CFAP299: variants seen among roughly 807,000 people sequenced by gnomAD.
CFAP299 encodes the protein cilia- and flagella-associated protein 299.
CFAP299 carries 21 observed loss-of-function variants against 27.0 expected under a neutral mutation model. That is an observed-to-expected ratio of 0.78 (90% CI 0.55 to 1.12). The LOEUF is 1.12. Ranked by LOEUF, CFAP299 falls within the 50% of genes most tolerant of loss-of-function variation. The pLI, the probability that CFAP299 is intolerant of heterozygous loss-of-function variation, is 0.00. For synonymous variants in CFAP299, 104 were observed against 98.1 expected (o/e 1.06, Z -0.36); for missense variants, 310 against 276.6 (o/e 1.12, Z -0.86).
At chr4:80,945,241 G>T (rs75827499) in intron 5 of CFAP299, among the ~76,000 whole-genome samples, 1 of 152,104 alleles carries the variant, frequency 6.6e-6, no homozygotes, top group East Asian at 1.9e-4. Flanking sequence ...TGCTTCCCCC[G>T]ATCCTGCAGA....
intron 2 of CFAP299, among the ~76,000 whole-genome samples, chr4:80,424,156 A>G (rs1031820983): frequency 6.6e-6 from 1 of 152,104 alleles, no homozygotes; most frequent in African/African-American, 2.4e-5. Context: ...TTCCAGTCTT[A>G]AGCCATTTTG....
At chr4:80,713,955 C>T (rs1158122995) in intron 3 of CFAP299, among the ~76,000 whole-genome samples, 1 of 152,046 alleles carries the variant, frequency 6.6e-6, no homozygotes, top group East Asian at 1.9e-4. Flanking sequence ...AAGAAGACTG[C>T]TGATGCCCAA....
At chr4:80,649,703 C>A (rs952628216) in intron 3 of CFAP299, among the ~76,000 whole-genome samples, 1 of 151,968 alleles carries the variant, frequency 6.6e-6, no homozygotes, top group African/African-American at 2.4e-5. Flanking sequence ...CTGTGTCATT[C>A]CTAAATAAAA....
At chr4:80,616,456 A>G (rs139121329) in intron 3 of CFAP299, among the ~76,000 whole-genome samples, 30 of 151,998 alleles carry the variant, frequency 2.0e-4, no homozygotes, top group Middle Eastern at 3.4e-3. Context: ...CATAAATAAT[A>G]CCCCCAAACT....
At chr4:80,564,191 A>G (rs1293051902) in intron 2 of CFAP299, among the ~76,000 whole-genome samples, 1 of 152,024 alleles carries the variant, frequency 6.6e-6, no homozygotes, top group African/African-American at 2.4e-5. Context: ...CAAGGCTAAT[A>G]TTATCCTGAT....
intron 3 of CFAP299, among the ~76,000 whole-genome samples, chr4:80,710,488 T>C (rs953324944): frequency 2.0e-4 from 22 of 110,930 alleles, no homozygotes; most frequent in Admixed American, 5.6e-4. Context: ...TTTTTCTTTT[T>C]TTTTTTTTTT....
chr4:80,831,683 T>C (rs1397148740), intron 3 of CFAP299, among the ~76,000 whole-genome samples: 1 of 152,196 alleles, frequency 6.6e-6, no homozygotes. Context: ...ACTATTAGTA[T>C]ATGGTATTTA....
chr4:80,747,209 T>G (rs1724666139), intron 3 of CFAP299, among the ~76,000 whole-genome samples: 1 of 152,072 alleles, frequency 6.6e-6, no homozygotes, highest in African/African-American at 2.4e-5. Context: ...AATAAATACA[T>G]AAACCAGTGG....
intron 3 of CFAP299, among the ~76,000 whole-genome samples, chr4:80,603,921 T>C (rs554271508): frequency 2.6e-5 from 4 of 152,332 alleles, no homozygotes; most frequent in African/African-American, 9.6e-5. Flanking sequence ...TTATTTGTTT[T>C]TCTGCATTCT....
intron 3 of CFAP299, among the ~76,000 whole-genome samples, chr4:80,655,910 C>T (rs923487511): frequency 2.0e-5 from 3 of 152,148 alleles, no homozygotes; most frequent in African/African-American, 4.8e-5. Context: ...TCTCCTTGCT[C>T]TCTGTTTGAA....
At chr4:80,676,029 A>G (rs960675276) in intron 3 of CFAP299, among the ~76,000 whole-genome samples, 2 of 151,078 alleles carry the variant, frequency 1.3e-5, no homozygotes, top group African/African-American at 4.8e-5. Flanking sequence ...GCTTCAGCTC[A>G]CCCTCCATGG....
chr4:80,957,139 A>C (rs1395062026), intron 5 of CFAP299, among the ~76,000 whole-genome samples: 1 of 152,036 alleles, frequency 6.6e-6, no homozygotes, highest in East Asian at 1.9e-4. Flanking sequence ...GTTTTGTTTC[A>C]TCAGTTATTA....
At chr4:80,799,580 A>C (rs1322892137) in intron 3 of CFAP299, among the ~76,000 whole-genome samples, 2 of 70,560 alleles carry the variant, frequency 2.8e-5, no homozygotes, top group Non-Finnish European at 4.7e-5. Context: ...TATATTTATA[A>C]AATATATTAT....
At chr4:80,963,389 A>C (rs1018342802) in intron 5 of CFAP299, 128 bp from the exon 6 acceptor site, 1 of 637,030 alleles carries the variant, frequency 1.6e-6, no homozygotes. Context: ...AAACATGTAT[A>C]TATCTCCGTG....
At chr4:80,891,789 T>TAAA (rs1355453928) in intron 4 of CFAP299, among the ~76,000 whole-genome samples, 2 of 35,084 alleles carry the variant, frequency 5.7e-5, no homozygotes, top group African/African-American at 2.1e-4. Flanking sequence ...AAAAAAAAAA[T>TAAA]AAAAAAAAAA....
chr4:80,469,037 G>A (rs6832497), intron 2 of CFAP299, among the ~76,000 whole-genome samples: 15,050 of 151,986 alleles, frequency 0.099, 1,730 homozygotes, highest in African/African-American at 0.28. Context: ...AAAAGCAATC[G>A]GCAAAAATAC....
chr4:80,928,265 G>A (rs1736401865), intron 4 of CFAP299, among the ~76,000 whole-genome samples: 2 of 152,078 alleles, frequency 1.3e-5, no homozygotes, highest in Admixed American at 6.6e-5. Context: ...CACAGTGTCT[G>A]AGCCTGAAAG....
chr4:80,779,617 T>C (rs1467283804), intron 3 of CFAP299, among the ~76,000 whole-genome samples: 1 of 152,006 alleles, frequency 6.6e-6, no homozygotes, highest in Non-Finnish European at 1.5e-5. Flanking sequence ...TTCATATATA[T>C]ACTGCAACAG....
chr4:80,931,840 A>G (rs2110219343), intron 4 of CFAP299, among the ~76,000 whole-genome samples: 1 of 152,262 alleles, frequency 6.6e-6, no homozygotes, highest in South Asian at 2.1e-4. Flanking sequence ...CCAAGTTTTC[A>G]ACAGGAATCA....
Sources: gnomAD v4.1 joint callset for allele counts (sites outside exome capture counted in the v4.1 genomes callset) on GRCh38, gnomAD v4.1.1 for gene constraint, MANE v1.5 for transcripts, NCBI Gene and HGNC (gene_info 2026-07-23, HGNC 2026-07-21) for gene names.